Variants in LOXL2 observed in about 807,000 individuals in gnomAD.
The protein encoded by LOXL2 is lysyl oxidase homolog 2.
Under a neutral mutation model 93.0 loss-of-function variants are expected in LOXL2, and 70 were observed. The ratio of observed to expected loss-of-function variants is 0.75; its 90% CI spans 0.62 to 0.92. The LOEUF is 0.92. Among genes scored for constraint, LOXL2 ranks in the 40% least tolerant of loss-of-function variants. The pLI is 0.00. For missense variants in LOXL2, 973 were observed against 1,054.9 expected (o/e 0.92, Z 1.08); for synonymous variants, 438 against 413.2 (o/e 1.06, Z -0.73).
intron 5 of LOXL2, among the ~76,000 whole-genome samples, chr8:23,330,002 T>G (rs1382144751): frequency 6.6e-6 from 1 of 152,106 alleles, no homozygotes; most frequent in Non-Finnish European, 1.5e-5. Context: ...AGCCAGTGAC[T>G]GCAGGATCTT....
intron 4 of LOXL2, among the ~76,000 whole-genome samples, chr8:23,340,298 AGAG>A (rs1447052448): frequency 2.6e-5 from 4 of 152,206 alleles, no homozygotes; most frequent in Admixed American, 6.5e-5. Flanking sequence ...ATCATTATTA[AGAG>A]GAGGGAGGAA....
intron 1 of LOXL2, among the ~76,000 whole-genome samples, chr8:23,380,908 G>T (rs1007201765): frequency 6.6e-6 from 1 of 152,178 alleles, no homozygotes; most frequent in Admixed American, 6.5e-5. Flanking sequence ...AGCTACTAGG[G>T]AGGCTGAGGC....
intron 1 of LOXL2, 102 bp from the exon 2 acceptor site, chr8:23,368,536 G>A (rs749373961): frequency 3.3e-5 from 20 of 607,940 alleles, no homozygotes; most frequent in Admixed American, 2.5e-4. Flanking sequence ...TGGAAAGCTC[G>A]TCCATTCTCG....
intron 1 of LOXL2, among the ~76,000 whole-genome samples, chr8:23,370,917 G>A (rs887927148): frequency 1.3e-5 from 2 of 152,170 alleles, no homozygotes; most frequent in Admixed American, 6.5e-5. Flanking sequence ...GGAAATAATG[G>A]AAGAAATAAT....
At chr8:23,399,261 G>GT (rs1229936458) in intron 1 of LOXL2, among the ~76,000 whole-genome samples, 1 of 152,064 alleles carries the variant, frequency 6.6e-6, no homozygotes, top group Non-Finnish European at 1.5e-5. Flanking sequence ...GACGATGACA[G>GT]TAACAAGCTG....
In LOXL2 at chr8:23,298,032, C is replaced by CGCAG. The variant is rs759583983; in HGVS notation, c.*7_*10dup. ...GTGGCCTGAAGACAGGAGTTGACCA[C>CGCAG]GCAGGCTTCTTTACTGCGGGGACAG... is the stretch of plus-strand genomic sequence containing the variant. On this transcript the variant is annotated 3_prime_UTR_variant, in exon 14 of 14. Coordinates refer to ENST00000389131, the MANE Select transcript of LOXL2 (RefSeq NM_002318.3). 4.3e-6 allele frequency: 7 copies of CGCAG among 1,612,032 alleles called. No individual in the cohort carries two copies. In the African/African-American group the frequency reaches 9.3e-5, roughly 22 times the overall value.
At chr8:23,398,989 T>C (rs1423210876) in intron 1 of LOXL2, among the ~76,000 whole-genome samples, 1 of 152,244 alleles carries the variant, frequency 6.6e-6, no homozygotes, top group African/African-American at 2.4e-5. Context: ...TGTGTGGAAT[T>C]ACTCAGGTGA....
At chr8:23,385,904 C>T (rs550959360) in intron 1 of LOXL2, 51 of 764,102 alleles carry the variant, frequency 6.7e-5, no homozygotes, top group Non-Finnish European at 2.9e-5. Context: ...AAATCCAGCA[C>T]GTACTTTGCG....
At chr8:23,328,709 A>ATATGTGTGTGTGTG in intron 5 of LOXL2, 144 bp from the exon 6 acceptor site, 1 of 458,994 alleles carries the variant, frequency 2.2e-6, no homozygotes, top group Non-Finnish European at 3.9e-6. Context: ...TGATGTATGG[A>ATATGTGTGTGTGTG]TGTGTGTGTG....
In LOXL2 at chr8:23,298,904, G is replaced by T. The variant is rs1012144936; in HGVS notation, c.2177C>A (p.Ser726Tyr). The change falls in exon 13 of 14, where the codon TCC becomes TAC. Residue 726 changes from serine to tyrosine, a missense_variant. Ser to Tyr is a moderately radical substitution (Grantham distance 144). Transcript: ENST00000389131. ...GCTCCTGCATTTCATGATGTTGTTG[G>T]AGTAATCGGATTCTGCAACCTCGAA... ...PNFEVAESDY[S>Y]NNIMKCRSRY... 3 of 1,613,862 alleles carry T rather than the reference G, an allele frequency of 1.9e-6. No homozygotes were observed. The highest frequency in any genetic ancestry group is 2.2e-5 in the South Asian group (2 of 91,066).
chr8:23,303,183 C>A (rs534749918), intron 11 of LOXL2, 99 bp downstream of exon 11: 5 of 777,714 alleles, frequency 6.4e-6, no homozygotes, highest in African/African-American at 5.1e-5. Context: ...CAGAGTGACA[C>A]AGGGTCAGTG....
intron 9 of LOXL2, 124 bp downstream of exon 9, chr8:23,316,825 G>A: frequency 2.0e-6 from 2 of 1,008,770 alleles, no homozygotes; most frequent in Non-Finnish European, 2.8e-6. Flanking sequence ...TTCTCCCTTA[G>A]GATTTCATTC....
chr8:23,323,922 G>A (rs1478092102), intron 6 of LOXL2, among the ~76,000 whole-genome samples: 1 of 152,132 alleles, frequency 6.6e-6, no homozygotes, highest in East Asian at 1.9e-4. Context: ...GGATGGTCTC[G>A]ATCTCTTGAC....
chr8:23,311,363 G>C (rs375300703), intron 9 of LOXL2, among the ~76,000 whole-genome samples: 16 of 152,336 alleles, frequency 1.1e-4, no homozygotes, highest in African/African-American at 3.8e-4. Context: ...GGAGGCTCCC[G>C]TTTACTGACA....
intron 1 of LOXL2, among the ~76,000 whole-genome samples, chr8:23,384,014 A>G (rs2117229084): frequency 6.6e-6 from 1 of 152,280 alleles, no homozygotes; most frequent in South Asian, 2.1e-4. Flanking sequence ...AGAAGTAAGA[A>G]CGTTAGGATT....
At chr8:23,311,543 G>T (rs552232926) in intron 9 of LOXL2, among the ~76,000 whole-genome samples, 1 of 152,322 alleles carries the variant, frequency 6.6e-6, no homozygotes, top group African/African-American at 2.4e-5. Flanking sequence ...CCGCCAGCTC[G>T]CAAGGCGAGG....
intron 1 of LOXL2, among the ~76,000 whole-genome samples, chr8:23,388,378 G>C (rs4871870): frequency 0.1 from 15,512 of 152,046 alleles, 855 homozygotes; most frequent in East Asian, 0.22. Context: ...AGGGGTTTGA[G>C]ACCAGCTTGA....
At position 23,368,042 on chromosome 8, in the gene LOXL2, C is replaced by T. The variant is rs1165803728; in HGVS notation, c.310G>A (p.Glu104Lys). The T allele has an allele frequency of 1.2e-6, 2 of 1,613,934 alleles. No homozygotes were observed. Among genetic ancestry groups the T allele is most frequent in the South Asian group, 2.2e-5 (2 of 91,080 alleles). Residue 104 changes from glutamate (E) to lysine (K), a missense_variant, in exon 2 of 14, where the codon GAG becomes AAG. Transcript: ENST00000389131. ...HVVCRELGYV[E>K]AKSWTASSSY... ...GAGCTGGCAGTCCAGGACTTGGCCT[C>T]CACGTAGCCCAGCTCCCGGCAGACG...
chr8:23,342,481 G>T (rs947207085), intron 3 of LOXL2, among the ~76,000 whole-genome samples: 3 of 150,916 alleles, frequency 2.0e-5, no homozygotes. Context: ...GCCCAGGCTG[G>T]AGTACAGTGG....
Sources: allele counts gnomAD v4.1 joint callset (sites outside exome capture counted in the v4.1 genomes callset), GRCh38; gene constraint gnomAD v4.1.1; transcripts MANE v1.5; gene names NCBI Gene and HGNC (gene_info 2026-07-23, HGNC 2026-07-21).